Variants in IMPG2 observed in about 807,000 individuals in gnomAD.
The protein encoded by IMPG2 is interphotoreceptor matrix proteoglycan 2, also known as IPM 200.
IMPG2 carries 91 observed loss-of-function variants against 129.2 expected under a neutral mutation model. The observed-to-expected ratio is 0.70, with a 90% CI of 0.59 to 0.84. IMPG2 has a LOEUF of 0.84. Among genes scored for constraint, IMPG2 ranks in the 40% least tolerant of loss-of-function variants. IMPG2 has a pLI of 0.00. For missense variants in IMPG2, 1,430 were observed against 1,461.7 expected (o/e 0.98, Z 0.35); for synonymous variants, 510 against 517.7 (o/e 0.99, Z 0.20).
At chr3:101,301,196 T>A (rs559042) in intron 3 of IMPG2, among the ~76,000 whole-genome samples, 3 of 152,152 alleles carry the variant, frequency 2.0e-5, no homozygotes, top group African/African-American at 7.2e-5. Flanking sequence ...TTACAATAGT[T>A]ATTGTAATTG....
chr3:101,256,311 C>G (rs1026417718), intron 10 of IMPG2, among the ~76,000 whole-genome samples: 1 of 151,698 alleles, frequency 6.6e-6, no homozygotes, highest in East Asian at 1.9e-4. Flanking sequence ...CTTTCTCTGT[C>G]TCTCTCACAC....
intron 8 of IMPG2, 34 bp downstream of exon 8, chr3:101,269,481 C>T: frequency 5.9e-6 from 7 of 1,193,430 alleles, no homozygotes; most frequent in Non-Finnish European, 8.8e-6. Context: ...AAGAATACTA[C>T]TGAAAATGTG....
intron 18 of IMPG2, 102 bp downstream of exon 18, chr3:101,228,695 G>T: frequency 2.2e-6 from 2 of 927,096 alleles, no homozygotes; most frequent in Non-Finnish European, 3.6e-6. Flanking sequence ...GGAGACTCCT[G>T]TCACATGGAC....
intron 9 of IMPG2, 114 bp downstream of exon 9, chr3:101,267,397 G>T: frequency 1.1e-6 from 1 of 897,660 alleles, no homozygotes; most frequent in African/African-American, 1.6e-5. Context: ...AAGTCAGACA[G>T]TGATATTGGA....
intron 3 of IMPG2, among the ~76,000 whole-genome samples, chr3:101,292,917 C>A (rs1707037752): frequency 6.6e-6 from 1 of 152,132 alleles, no homozygotes; most frequent in Non-Finnish European, 1.5e-5. Context: ...CTCATTCATT[C>A]AAGTATTATT....
chr3:101,315,085 G>A (rs999385100), intron 2 of IMPG2, among the ~76,000 whole-genome samples: 2 of 152,142 alleles, frequency 1.3e-5, no homozygotes, highest in African/African-American at 4.8e-5. Flanking sequence ...CCTACAAGGG[G>A]TCATAAAATG....
chr3:101,226,236 T>TATAC lies in IMPG2; in HGVS notation c.*732_*733insGTAT. ...GAATCTTCTAAACTTTATATATATA[T>TATAC]ATATATATATATATATATATATATA... On this transcript the variant is annotated 3_prime_UTR_variant, in exon 19 of 19. Transcript: ENST00000193391. The TATAC allele has an allele frequency of 1.6e-4, 1 of 6,174 alleles. No individual in the cohort carries two copies. Among genetic ancestry groups the TATAC allele is most frequent in the South Asian group, 3.6e-3 (1 of 274 alleles). The allele number at this position is 6,174 out of a possible 1,614,324, so 0.4% of individuals were successfully genotyped here.
chr3:101,265,516 C>T (rs1706713127), intron 9 of IMPG2, among the ~76,000 whole-genome samples: 2 of 151,966 alleles, frequency 1.3e-5, no homozygotes, highest in African/African-American at 4.8e-5. Flanking sequence ...GAAACTAGAC[C>T]CCTCAGCTCT....
intron 12 of IMPG2, 80 bp from the exon 13 acceptor site, chr3:101,244,867 T>C (rs1706459034): frequency 8.1e-7 from 1 of 1,233,664 alleles, no homozygotes; most frequent in East Asian, 2.5e-5. Context: ...ACTAGTTGCC[T>C]GTTTTTTCCC....
intron 13 of IMPG2, 69 bp from the exon 14 acceptor site, chr3:101,242,976 A>G: frequency 7.9e-7 from 1 of 1,265,158 alleles, no homozygotes; most frequent in Non-Finnish European, 1.2e-6. Context: ...ACCCAAACAA[A>G]ACAAAACAAA....
chr3:101,242,760 C>T lies in IMPG2; in HGVS notation c.2950G>A (p.Glu984Lys). The T allele has an allele frequency of 6.2e-7, 1 of 1,614,020 alleles. No individual in the cohort carries two copies. ...TTGTAGGCAGTGGTACAAAAGTCTT[C>T]CAGAATCATGTACACCGCATTGTTG... ...NVNNAVYMIL[E>K]DFCTTAYNTM... The change falls in exon 14 of 19, where the codon GAA (glutamate) becomes AAA (lysine). Residue 984 changes from glutamate to lysine, a missense_variant. Coordinates refer to ENST00000193391, the MANE Select transcript of IMPG2 (RefSeq NM_016247.4).
intron 4 of IMPG2, among the ~76,000 whole-genome samples, chr3:101,286,765 A>G (rs1192656793): frequency 6.6e-6 from 1 of 152,154 alleles, no homozygotes; most frequent in African/African-American, 2.4e-5. Context: ...GGGAGTTGGG[A>G]TGGTGAAGGA....
chr3:101,270,324 T>C (rs1576758361), intron 7 of IMPG2, among the ~76,000 whole-genome samples: 1 of 152,148 alleles, frequency 6.6e-6, no homozygotes, highest in Non-Finnish European at 1.5e-5. Context: ...AAGTGGCTGC[T>C]GGCATCTTTT....
At chr3:101,232,437 C>G (rs1177479091) in intron 15 of IMPG2, among the ~76,000 whole-genome samples, 3 of 152,048 alleles carry the variant, frequency 2.0e-5, no homozygotes, top group African/African-American at 7.2e-5. Context: ...GGGGTTTCGC[C>G]ATGTTGGCCA....
At chr3:101,293,659 T>C (rs901465603) in intron 3 of IMPG2, among the ~76,000 whole-genome samples, 4 of 152,356 alleles carry the variant, frequency 2.6e-5, no homozygotes, top group African/African-American at 9.6e-5. Context: ...TCTCTAGCTA[T>C]TGAAGTTCTA....
chr3:101,313,718 A>G (rs1239301901), intron 2 of IMPG2, among the ~76,000 whole-genome samples: 2 of 152,138 alleles, frequency 1.3e-5, no homozygotes, highest in East Asian at 3.8e-4. Flanking sequence ...TGTGGAGCCC[A>G]AAGCATATGG....
chr3:101,276,659 T>C lies in IMPG2; in HGVS notation c.583+5A>G. 1 of 1,592,036 alleles carries C rather than the reference T, an allele frequency of 6.3e-7. No individual in the cohort carries two copies. The highest frequency in any genetic ancestry group is 8.6e-7 in the Non-Finnish European group (1 of 1,160,498). On this transcript the variant is annotated splice_donor_5th_base_variant and intron_variant, in intron 5 of 18. Coordinates refer to ENST00000193391, the MANE Select transcript of IMPG2 (RefSeq NM_016247.4). ...AGAAAAGTGAATGAAGACACAAAAG[T>C]ATACCTCCCAATGTTGAAGTATCAC... is the stretch of plus-strand genomic sequence containing the variant.
At position 101,256,211 on chromosome 3, in the gene IMPG2, A is replaced by AAGAAAGAAAG. The variant is rs1553682317; in HGVS notation, c.1153+1317_1153+1318insCTTTCTTTCT. ...AAAGAAAGAAAGAAAGAAAGAAAGA[A>AAGAAAGAAAG]AGAAAGAAAAAAATATCTTATTTGG... On this transcript the variant is annotated intron_variant, in intron 10 of 18. Coordinates refer to ENST00000193391, the MANE Select transcript of IMPG2 (RefSeq NM_016247.4). Among the ~76,000 whole-genome samples, 39 of 150,690 alleles carry AAGAAAGAAAG rather than the reference A, an allele frequency of 2.6e-4. 1 individual carries two copies. The highest frequency in any genetic ancestry group is 9.0e-4 in the African/African-American group (37 of 40,994).
intron 11 of IMPG2, among the ~76,000 whole-genome samples, chr3:101,246,772 G>T (rs1027066101): frequency 1.3e-5 from 2 of 152,134 alleles, no homozygotes; most frequent in Admixed American, 6.5e-5. Context: ...CCTTGAACAT[G>T]TTAATTATTT....
Sources: allele counts gnomAD v4.1 joint callset (sites outside exome capture counted in the v4.1 genomes callset), GRCh38; gene constraint gnomAD v4.1.1; transcripts MANE v1.5; gene names NCBI Gene and HGNC (gene_info 2026-07-23, HGNC 2026-07-21).